The following DMWD variants were observed in gnomAD, a reference collection of about 807,000 sequenced individuals.
The protein encoded by DMWD is DM1 locus, WD repeat containing.
In DMWD, 19 loss-of-function variants were observed where a neutral mutation model predicts 45.8. The ratio of observed to expected loss-of-function variants is 0.41; its 90% CI spans 0.29 to 0.61. The LOEUF (loss-of-function observed/expected upper bound fraction) is 0.61. Among genes scored for constraint, DMWD ranks in the 20% least tolerant of loss-of-function variants. The pLI is 0.25. For synonymous variants in DMWD, 515 were observed against 440.5 expected (o/e 1.17, Z -2.12); for missense variants, 802 against 965.2 (o/e 0.83, Z 2.24).
chr19:45,784,065 T>C lies in DMWD; in HGVS notation c.*178A>G. ...ACAAGGCTGAGGCCACAAGGGCTAT[T>C]ACATCGCCCGTGTCCGGGCCAGTCT... On this transcript the variant is annotated 3_prime_UTR_variant, in exon 5 of 5. Transcript: ENST00000270223. 1.5e-6 allele frequency: 1 copy of C among 658,500 alleles called. No individual in the cohort carries two copies. The highest frequency in any genetic ancestry group is 2.7e-6 in the Non-Finnish European group (1 of 369,242). The allele number at this position is 658,500 out of a possible 1,614,324, so 40.8% of individuals were successfully genotyped here. A position where few individuals can be genotyped will look rare whatever the true frequency, so the allele number is the denominator to read the frequency against.
chr19:45,784,615 G>C lies in DMWD; in HGVS notation c.1977+26C>G, dbSNP rs369230765. ...ACTTGGGAGGGACCCTGAGGTGCTG[G>C]GGAAAGAACTCAGGGACAGTCCTAC... On this transcript the variant is annotated intron_variant, in intron 4 of 4. Transcript: ENST00000270223. 7 of 1,613,842 alleles carry C rather than the reference G, an allele frequency of 4.3e-6. No homozygotes were observed. The East Asian group carries it at 1.1e-4, about 26-fold the overall frequency.
At chr19:45,788,495 G>A (rs528385576) in intron 2 of DMWD, among the ~76,000 whole-genome samples, 17 of 152,252 alleles carry the variant, frequency 1.1e-4, no homozygotes, top group Admixed American at 5.2e-4. Flanking sequence ...AAATCTCTCC[G>A]TGACCTTCCA....
At chr19:45,787,642 T>G (rs771435330) in intron 2 of DMWD, among the ~76,000 whole-genome samples, 9 of 152,254 alleles carry the variant, frequency 5.9e-5, no homozygotes, top group South Asian at 4.1e-4. Context: ...AGGAGGCAGC[T>G]TGAAGGTAAT....
In DMWD at chr19:45,792,371, T is replaced by G. The variant is rs1970365974; in HGVS notation, c.386A>C (p.Asn129Thr). 1 of 1,610,312 alleles carries G rather than the reference T, an allele frequency of 6.2e-7. No homozygotes were observed. The highest frequency in any genetic ancestry group is 8.5e-7 in the Non-Finnish European group (1 of 1,178,468). The change falls in exon 1 of 5, where the codon AAC (asparagine) becomes ACC (threonine). Residue 129 changes from asparagine to threonine, a missense_variant. This residue lies in a region of DMWD where 82 missense variants were observed against 92.9 expected (regional missense o/e 0.88). Transcript: ENST00000270223. ...LGSGGDRVCF[N>T]LGRELYFYPG... is the part of the protein sequence containing the mutation. ...GTAGAAATAGAGCTCACGGCCCAAG[T>G]TGAAGCAGACGCGGTCTCCCCCCGA...
intron 1 of DMWD, among the ~76,000 whole-genome samples, chr19:45,792,001 G>C (rs750107130): frequency 6.6e-6 from 1 of 152,022 alleles, no homozygotes; most frequent in Admixed American, 6.6e-5. Context: ...CAGAATGCCT[G>C]CCACCCCAGA....
rs1970220158 is a variant in DMWD, at chr19:45,783,790, G to A, written c.*453C>T. 2 of 459,600 alleles carry A rather than the reference G, an allele frequency of 4.4e-6. No individual in the cohort carries two copies. The highest frequency in any genetic ancestry group is 7.6e-6 in the Non-Finnish European group (2 of 264,190). 28.5% of individuals were successfully genotyped at this position (459,600 alleles called of 1,614,324 possible). On this transcript the variant is annotated 3_prime_UTR_variant, in exon 5 of 5. Transcript: ENST00000270223. Reference sequence around the variant, plus strand: ...CCTGCGGGACAGGGAGGAACCTGAGGGGCTTCCATAATTTAACACTCTTCA... The same window carrying A: ...CCTGCGGGACAGGGAGGAACCTGAGAGGCTTCCATAATTTAACACTCTTCA...
At position 45,790,919 on chromosome 19, in the gene DMWD, G is replaced by C; in HGVS notation, c.610C>G (p.Leu204Val). 6.2e-7 allele frequency: 1 copy of C among 1,608,144 alleles called. No individual in the cohort carries two copies. Among genetic ancestry groups the C allele is most frequent in the Non-Finnish European group, 8.5e-7 (1 of 1,177,192 alleles). The change falls in exon 2 of 5, where the codon CTG becomes GTG. Residue 204 changes from leucine to valine, a missense_variant. Physicochemically the swap from Leu to Val is conservative, Grantham distance 32. Coordinates refer to ENST00000270223, the MANE Select transcript of DMWD (RefSeq NM_004943.2). Reference protein sequence around the residue: ...LDLIKKDTSKLFNEERLIDKT... With the variant: ...LDLIKKDTSKVFNEERLIDKT... ...GCTGCAATCACCTCCTCATTGAACA[G>C]CTTGCTGGTGTCCTTTTTGATGAGA...
chr19:45,790,818 A>G (rs1457604485), intron 2 of DMWD, 87 bp downstream of exon 2: 2 of 1,473,612 alleles, frequency 1.4e-6, no homozygotes, highest in Non-Finnish European at 1.8e-6. Context: ...TCAGGCCTAC[A>G]CTGTTCCGCA....
rs780647222 is a variant in DMWD at position 45,785,593 on chromosome 19, C to A, written c.1902+1G>T. 1 of 1,482,660 alleles carries A rather than the reference C, an allele frequency of 6.7e-7. No individual in the cohort carries two copies. The highest frequency in any genetic ancestry group is 9.0e-7 in the Non-Finnish European group (1 of 1,114,468). The allele number at this position is 1,482,660 out of a possible 1,614,324, so 91.8% of individuals were successfully genotyped here. A position where few individuals can be genotyped will look rare whatever the true frequency, so the allele number is the denominator to read the frequency against. ...CGGCAGGCTGGTGTGGGGCCACTCA[C>A]CGCCTTGCCCGGCCGGGCCCAGGTG... On this transcript the variant is annotated splice_donor_variant, in intron 3 of 4. Coordinates refer to ENST00000270223, the MANE Select transcript of DMWD (RefSeq NM_004943.2). LOFTEE classifies it high-confidence loss of function.
Position 45,783,540 on chromosome 19 carries a change from G to T in DMWD, c.*703C>A. The T allele has an allele frequency of 2.5e-6, 1 of 398,582 alleles. No homozygotes were observed. Among genetic ancestry groups the T allele is most frequent in the South Asian group, 1.3e-4 (1 of 7,870 alleles). The allele number at this position is 398,582 out of a possible 1,614,324, so 24.7% of individuals were successfully genotyped here. A position where few individuals can be genotyped will look rare whatever the true frequency, so the allele number is the denominator to read the frequency against. On this transcript the variant is annotated 3_prime_UTR_variant, in exon 5 of 5. Transcript: ENST00000270223. The stretch of plus-strand genomic sequence containing the variant: ...GGGTCCTGCTCCAGCCGCTGGTGTG[G>T]GTCACCAGTTGTGTGACTCGCAGGT...
At chr19:45,786,965 T>C (rs1413846979) in intron 2 of DMWD, 94 bp from the exon 3 acceptor site, 4 of 1,515,654 alleles carry the variant, frequency 2.6e-6, no homozygotes, top group East Asian at 2.5e-5. Flanking sequence ...CCGTTGGACA[T>C]GGCCCCGCTC....
In DMWD at chr19:45,786,829, G is replaced by A; in HGVS notation, c.667C>T (p.Pro223Ser). 2 of 1,613,600 alleles carry A rather than the reference G, an allele frequency of 1.2e-6. No individual in the cohort carries two copies. The highest frequency in any genetic ancestry group is 1.7e-6 in the Non-Finnish European group (2 of 1,179,972). Residue 223 changes from proline to serine, a missense_variant, in exon 3 of 5, where the codon CCT becomes TCT. Coordinates refer to ENST00000270223, the MANE Select transcript of DMWD (RefSeq NM_004943.2). ...KTKVTYLKWL[P>S]ESESLFLASH... ...GCCAGGAACAGGCTCTCCGACTCAG[G>A]CAGCCACTTCAGATATGTCACCTTG...
rs1227920883 is a variant in DMWD, at chr19:45,784,122, G to A, written c.*121C>T. 2 of 895,426 alleles carry A rather than the reference G, an allele frequency of 2.2e-6. No homozygotes were observed. The highest frequency in any genetic ancestry group is 1.4e-5 in the South Asian group (1 of 72,082). The allele number at this position is 895,426 out of a possible 1,614,324, so 55.5% of individuals were successfully genotyped here. The stretch of plus-strand genomic sequence containing the variant: ...CCCCCAAATTTTGTGCAGGTGGGGG[G>A]ACTGGAGCAGTCCATCCATCATGGT... On this transcript the variant is annotated 3_prime_UTR_variant, in exon 5 of 5. Transcript: ENST00000270223.
At chr19:45,789,296 G>A (rs897426035) in intron 2 of DMWD, 6 of 152,192 alleles carry the variant, frequency 3.9e-5, no homozygotes, top group African/African-American at 1.4e-4. Context: ...TCCACTGACT[G>A]TTCCGTTCAC....
Position 45,785,895 on chromosome 19 carries a change from C to A in DMWD, c.1601G>T (p.Arg534Leu), listed in dbSNP as rs750640345. Reference sequence around the variant, plus strand: ...GCGCTTGTGCTCCTTCTCTGCCCCCCGGTCCCGCCGCTCCTGCAGTGTGAG... The same window carrying A: ...GCGCTTGTGCTCCTTCTCTGCCCCCAGGTCCCGCCGCTCCTGCAGTGTGAG... ...ATLTLQERRD[R>L]GAEKEHKRYH... Residue 534 changes from arginine (R) to leucine (L), a missense_variant, in exon 3 of 5, where the codon CGG becomes CTG. Arg to Leu is a moderately radical substitution (Grantham distance 102, BLOSUM62 -2). Around this residue, in one of 9 missense-constraint regions of DMWD, gnomAD observed 303 missense variants for 332.9 expected, o/e 0.91. Coordinates refer to ENST00000270223, the MANE Select transcript of DMWD (RefSeq NM_004943.2). 6.2e-7 allele frequency: 1 copy of A among 1,603,650 alleles called. No homozygotes were observed. Among genetic ancestry groups the A allele is most frequent in the Non-Finnish European group, 8.5e-7 (1 of 1,179,446 alleles).
In DMWD at chr19:45,786,310, G is replaced by A. The variant is rs776406881; in HGVS notation, c.1186C>T (p.Arg396Trp). 16 of 1,606,506 alleles carry A rather than the reference G, an allele frequency of 1.0e-5. No individual in the cohort carries two copies. Among genetic ancestry groups the A allele is most frequent in the Admixed American group, 1.7e-5 (1 of 59,762 alleles). ...AATAAGADGE[R>W]SGEEEEEEPE... is the part of the protein sequence containing the mutation. Reference sequence around the variant, plus strand: ...TCCTCCTCCTCCTCTTCGCCGCTCCGCTCCCCATCAGCACCGGCTGCTGTC... The same window carrying A: ...TCCTCCTCCTCCTCTTCGCCGCTCCACTCCCCATCAGCACCGGCTGCTGTC... The change falls in exon 3 of 5, where the codon CGG becomes TGG. Residue 396 changes from arginine (R) to tryptophan (W), a missense_variant. Transcript: ENST00000270223.
Position 45,790,951 on chromosome 19 carries a change from T to TACTG in DMWD, c.574_577dup (p.Tyr193SerfsTer16). Reference sequence around the variant, plus strand: ...GGTGTCCTTTTTGATGAGATCCAGGTACTGCACTTGACCCGCTGAGAAGCC... The same window carrying TACTG: ...GGTGTCCTTTTTGATGAGATCCAGGTACTGACTGCACTTGACCCGCTGAGAAGCC... On this transcript the variant is annotated frameshift_variant, in exon 2 of 5. Coordinates refer to ENST00000270223, the MANE Select transcript of DMWD (RefSeq NM_004943.2). LOFTEE classifies it high-confidence loss of function. 6.2e-7 allele frequency: 1 copy of TACTG among 1,613,412 alleles called. No homozygotes were observed. Among genetic ancestry groups the TACTG allele is most frequent in the Non-Finnish European group, 8.5e-7 (1 of 1,179,812 alleles).
Position 45,784,504 on chromosome 19 carries a change from TAATCA to T in DMWD, c.1977+132_1977+136del. 2.2e-6 allele frequency: 3 copies of T among 1,358,630 alleles called. 1 individual carries two copies. The Admixed American group carries it at 6.9e-5, about 31-fold the overall frequency. The allele number at this position is 1,358,630 out of a possible 1,614,324, so 84.2% of individuals were successfully genotyped here. On this transcript the variant is annotated intron_variant, in intron 4 of 4. Coordinates refer to ENST00000270223, the MANE Select transcript of DMWD (RefSeq NM_004943.2). ...CCTGGCAGTCAGCACTTTCACGCAATAATCAAAGTCCTTGGCGGATCCTGAGTGAG... is the reference window on the plus strand; with the variant it reads ...CCTGGCAGTCAGCACTTTCACGCAATAAGTCCTTGGCGGATCCTGAGTGAG...
chr19:45,785,788 G>A lies in DMWD; in HGVS notation c.1708C>T (p.Arg570Cys), dbSNP rs779080979. Residue 570 changes from arginine to cysteine, a missense_variant, in exon 3 of 5, where the codon CGC becomes TGC. Physicochemically the swap from Arg to Cys is radical, Grantham distance 180 (BLOSUM62 -3). Coordinates refer to ENST00000270223, the MANE Select transcript of DMWD (RefSeq NM_004943.2). ...GGEKPSGPVP[R>C]SRLDPAKVLG... ...ACCTTGGCGGGGTCCAGGCGGCTGC[G>A]GGGAACAGGGCCGCTGGGCTTCTCC... is the stretch of plus-strand genomic sequence containing the variant. 6.0e-5 allele frequency: 97 copies of A among 1,611,654 alleles called. No homozygotes were observed. Among genetic ancestry groups the A allele is most frequent in the Non-Finnish European group, 7.5e-5 (89 of 1,179,366 alleles).
Sources: allele counts gnomAD v4.1 joint callset (sites outside exome capture counted in the v4.1 genomes callset), GRCh38; gene constraint gnomAD v4.1.1; regional missense constraint gnomAD v4.1.1; transcripts MANE v1.5; gene names NCBI Gene and HGNC (gene_info 2026-07-23, HGNC 2026-07-21).